Variants in EEA1 observed in about 807,000 individuals in gnomAD.
The protein encoded by EEA1 is early endosome antigen 1, 162kD.
In EEA1, 111 loss-of-function variants were observed where a neutral mutation model predicts 209.2. The observed-to-expected ratio is 0.53, with a 90% CI of 0.45 to 0.62. The LOEUF is 0.62. Among genes scored for constraint, EEA1 ranks in the 20% least tolerant of loss-of-function variants. The probability of loss-of-function intolerance (pLI) is 0.00; values close to 1 mark genes in which losing one functional copy is unlikely to be tolerated. For synonymous variants in EEA1, 536 were observed against 540.6 expected, an observed-to-expected ratio of 0.99 and a Z score of 0.12; for missense variants, 1,343 against 1,530.8, an observed-to-expected ratio of 0.88 and a Z score of 2.05.
intron 21 of EEA1, among the ~76,000 whole-genome samples, chr12:92,797,166 C>T (rs955335522): frequency 6.6e-6 from 1 of 152,214 alleles, no homozygotes; most frequent in African/African-American, 2.4e-5. Context: ...TGGCTCACTG[C>T]AACCTCTGCC....
Position 92,774,682 on chromosome 12 carries a change from T to C in EEA1, c.*1329A>G, listed in dbSNP as rs1002717246. 1 of 151,702 alleles carries C rather than the reference T, an allele frequency of 6.6e-6. No individual in the cohort carries two copies. The highest frequency in any genetic ancestry group is 2.4e-5 in the African/African-American group (1 of 41,416). The allele number at this position is 151,702 out of a possible 1,614,324, so 9.4% of individuals were successfully genotyped here. ...TGCTTAGCCATGCTGTTTCAGTTTT[T>C]ATTGTAACTGGGATTCCTAAATACA... On this transcript the variant is annotated 3_prime_UTR_variant, in exon 29 of 29. Coordinates refer to ENST00000322349, the MANE Select transcript of EEA1 (RefSeq NM_003566.4).
intron 2 of EEA1, among the ~76,000 whole-genome samples, chr12:92,882,263 A>G (rs1052703440): frequency 6.6e-6 from 1 of 151,994 alleles, no homozygotes; most frequent in African/African-American, 2.4e-5. Flanking sequence ...ACGTGCCACC[A>G]TGACTGGCTA....
chr12:92,824,841 T>G (rs529840794), intron 13 of EEA1, among the ~76,000 whole-genome samples: 1 of 152,384 alleles, frequency 6.6e-6, no homozygotes, highest in Admixed American at 6.5e-5. Flanking sequence ...CAGATATTTT[T>G]GTCTGTTTTG....
chr12:92,847,902 G>A (rs1019317107), intron 9 of EEA1, among the ~76,000 whole-genome samples: 1 of 152,036 alleles, frequency 6.6e-6, no homozygotes, highest in Non-Finnish European at 1.5e-5. Context: ...AAACCTACTG[G>A]TGCTCAAAAG....
In EEA1 at chr12:92,779,175, G is replaced by A; in HGVS notation, c.3594C>T (p.Asp1198=). 1 of 1,609,776 alleles carries A rather than the reference G, an allele frequency of 6.2e-7. No homozygotes were observed. The highest frequency in any genetic ancestry group is 8.5e-7 in the Non-Finnish European group (1 of 1,178,782). The change falls in exon 25 of 29, where the codon GAC becomes GAT. Residue 1198 remains aspartate (D), a synonymous_variant. Transcript: ENST00000322349. ...GCTCCTCTTCTTCCTTTTTCACCTG[G>A]TCTTTTAGTATCTGCTGATTTCTCT... The part of the protein sequence containing the change: ...QEKRNQQILK[D]QVKKEEEELK...
Position 92,829,158 on chromosome 12 carries a change from G to A in EEA1, c.1255-1097C>T, listed in dbSNP as rs375827196. 5.3e-5 allele frequency among the ~76,000 whole-genome samples: 8 copies of A among 152,026 alleles called. No homozygotes were observed. In the East Asian group the frequency reaches 1.2e-3, roughly 22 times the overall value. ...GATGTGTCTTTTAGAAAGCATAAAC[G>A]CAGCCAGGCACAGTGGCTCAGGCCT... is the stretch of plus-strand genomic sequence containing the variant. On this transcript the variant is annotated intron_variant, in intron 11 of 28. Coordinates refer to ENST00000322349, the MANE Select transcript of EEA1 (RefSeq NM_003566.4).
intron 27 of EEA1, 131 bp downstream of exon 27, chr12:92,777,412 T>A (rs1267801144): frequency 2.0e-6 from 2 of 998,814 alleles, no homozygotes; most frequent in East Asian, 2.6e-5. Flanking sequence ...AAACCTACAA[T>A]ACTGCTAAAC....
At chr12:92,842,987 T>C (rs1314235480) in intron 9 of EEA1, among the ~76,000 whole-genome samples, 1 of 152,186 alleles carries the variant, frequency 6.6e-6, no homozygotes, top group Non-Finnish European at 1.5e-5. Flanking sequence ...GACATGTATA[T>C]ACAAACATGC....
At chr12:92,804,384 A>C (rs140072657) in intron 18 of EEA1, among the ~76,000 whole-genome samples, 3,164 of 152,112 alleles carry the variant, frequency 0.021, 120 homozygotes, top group African/African-American at 0.073. Flanking sequence ...CAACCTGGCT[A>C]ACACAGTGAA....
chr12:92,874,326 G>C (rs1878784691), intron 2 of EEA1, among the ~76,000 whole-genome samples: 1 of 151,970 alleles, frequency 6.6e-6, no homozygotes, highest in African/African-American at 2.4e-5. Flanking sequence ...TCTCAAAAAA[G>C]AAAGAGAAAA....
intron 14 of EEA1, among the ~76,000 whole-genome samples, 154 bp downstream of exon 14, chr12:92,819,154 C>G (rs568550508): frequency 1.5e-4 from 23 of 152,290 alleles, no homozygotes; most frequent in Admixed American, 1.4e-3. Context: ...TAACCTACCT[C>G]TTAAGGTACA....
intron 5 of EEA1, among the ~76,000 whole-genome samples, chr12:92,854,420 C>T (rs1592738113): frequency 6.6e-6 from 1 of 152,164 alleles, no homozygotes. Flanking sequence ...TATCCCCCTC[C>T]GCTCAAGCAT....
chr12:92,839,842 C>T (rs1228314583), intron 10 of EEA1, among the ~76,000 whole-genome samples: 1 of 152,138 alleles, frequency 6.6e-6, no homozygotes, highest in African/African-American at 2.4e-5. Flanking sequence ...TACCCTGAAA[C>T]TTCATGGCAG....
chr12:92,827,229 C>A (rs968627850), intron 12 of EEA1, among the ~76,000 whole-genome samples: 1 of 152,114 alleles, frequency 6.6e-6, no homozygotes, highest in Non-Finnish European at 1.5e-5. Flanking sequence ...TAGTGGCGCA[C>A]ATCTGTAGTC....
intron 1 of EEA1, among the ~76,000 whole-genome samples, chr12:92,909,819 C>T (rs1038502259): frequency 2.6e-5 from 4 of 151,748 alleles, no homozygotes; most frequent in Non-Finnish European, 4.4e-5. Flanking sequence ...GAGCCCAAGA[C>T]CAGCCTGGGC....
intron 1 of EEA1, among the ~76,000 whole-genome samples, chr12:92,923,869 A>G (rs1223112909): frequency 6.6e-6 from 1 of 150,992 alleles, no homozygotes; most frequent in African/African-American, 2.4e-5. Flanking sequence ...AAAAATGGAG[A>G]TTAGAAAAAT....
At position 92,811,390 on chromosome 12, in the gene EEA1, C is replaced by T. The variant is rs1565818024; in HGVS notation, c.2088G>A (p.Lys696=). The change falls in exon 17 of 29, where the codon AAG becomes AAA. Residue 696 remains lysine, a synonymous_variant. Transcript: ENST00000322349. ...ITTQLDQVTA[K]LQDKQEHCSQ... ...TGCAATGTTCTTGCTTGTCTTGTAACTTTGCAGTGACCTGATCCAACTGAG... is the reference window on the plus strand; with the variant it reads ...TGCAATGTTCTTGCTTGTCTTGTAATTTTGCAGTGACCTGATCCAACTGAG... 1 of 1,602,426 alleles carries T rather than the reference C, an allele frequency of 6.2e-7. No individual in the cohort carries two copies. Among genetic ancestry groups the T allele is most frequent in the Admixed American group, 1.7e-5 (1 of 58,782 alleles).
intron 18 of EEA1, among the ~76,000 whole-genome samples, chr12:92,806,942 A>ATTTTTTTTTTTTTTTTTTTT (rs34717047): frequency 5.4e-5 from 8 of 147,464 alleles, no homozygotes; most frequent in African/African-American, 2.0e-4. Context: ...TTTTTTAATA[A>ATTTTTTTTTTTTTTTTTTTT]TTTTTTTTTT....
At chr12:92,901,216 T>C (rs1452756218) in intron 1 of EEA1, among the ~76,000 whole-genome samples, 3 of 152,182 alleles carry the variant, frequency 2.0e-5, no homozygotes, top group Admixed American at 2.0e-4. Context: ...AGAAATATTG[T>C]ACTTTTTTTT....
Sources: gnomAD v4.1 joint callset for allele counts (sites outside exome capture counted in the v4.1 genomes callset) on GRCh38, gnomAD v4.1.1 for gene constraint, MANE v1.5 for transcripts, NCBI Gene and HGNC (gene_info 2026-07-23, HGNC 2026-07-21) for gene names.